Variants in FILIP1L observed in about 807,000 individuals in gnomAD.
The protein encoded by FILIP1L is filamin A interacting protein 1 like.
Under a neutral mutation model 96.6 loss-of-function variants are expected in FILIP1L, and 55 were observed. That is an observed-to-expected ratio of 0.57 (90% confidence interval 0.46 to 0.71). The LOEUF (loss-of-function observed/expected upper bound fraction) is 0.71. Among genes scored for constraint, FILIP1L ranks in the 30% least tolerant of loss-of-function variants. The pLI, the probability that FILIP1L is intolerant of heterozygous loss-of-function variation, is 0.00. For missense variants in FILIP1L, 1,304 were observed against 1,321.2 expected (o/e 0.99, Z 0.20); for synonymous variants, 467 against 473.9 (o/e 0.99, Z 0.19).
intron 1 of FILIP1L, among the ~76,000 whole-genome samples, chr3:99,991,125 A>G (rs1709499295): frequency 6.6e-6 from 1 of 152,170 alleles, no homozygotes; most frequent in Admixed American, 6.5e-5. Context: ...TCCCCCCATA[A>G]TGGAATATAA....
Position 100,016,235 on chromosome 3 carries a change from C to T in FILIP1L, c.-10-85205G>A, listed in dbSNP as rs147291808. ...GAGACGCAGTTTCACTCTTGTTGCC[C>T]AGGCTGGAGTGCAATGGTGCGATCT... On this transcript the variant is annotated intron_variant, in intron 1 of 5. Transcript: ENST00000477258. Among the ~76,000 whole-genome samples, 143 of 152,258 alleles carry T rather than the reference C, an allele frequency of 9.4e-4. 1 individual carries two copies. Among genetic ancestry groups the T allele is most frequent in the East Asian group, 6.7e-3 (35 of 5,186 alleles).
intron 1 of FILIP1L, among the ~76,000 whole-genome samples, chr3:99,980,113 G>C (rs565326642): frequency 2.0e-5 from 3 of 152,136 alleles, no homozygotes; most frequent in Non-Finnish European, 2.9e-5. Context: ...AATTCAGGCA[G>C]TACAGTACGG....
intron 1 of FILIP1L, among the ~76,000 whole-genome samples, chr3:100,109,792 G>T (rs145908739): frequency 6.6e-6 from 1 of 152,074 alleles, no homozygotes; most frequent in African/African-American, 2.4e-5. Flanking sequence ...ACATTCTAAG[G>T]TTAATGATAT....
chr3:100,049,180 G>T (rs915369088), intron 1 of FILIP1L, among the ~76,000 whole-genome samples: 1 of 152,042 alleles, frequency 6.6e-6, no homozygotes, highest in Admixed American at 6.6e-5. Context: ...TTATACCTTT[G>T]GGAACACATA....
chr3:100,039,344 T>C (rs2065162569), intron 1 of FILIP1L, among the ~76,000 whole-genome samples: 1 of 152,230 alleles, frequency 6.6e-6, no homozygotes, highest in African/African-American at 2.4e-5. Context: ...ACTCACCTGC[T>C]ACAGGAATAT....
chr3:100,093,963 C>T (rs183708800), intron 1 of FILIP1L, among the ~76,000 whole-genome samples: 2 of 152,174 alleles, frequency 1.3e-5, no homozygotes, highest in East Asian at 3.9e-4. Context: ...TTTTCATTTC[C>T]CTGGGATGAA....
chr3:99,965,073 A>G (rs1397439461), intron 1 of FILIP1L, among the ~76,000 whole-genome samples: 1 of 152,226 alleles, frequency 6.6e-6, no homozygotes, highest in Non-Finnish European at 1.5e-5. Context: ...GGAAATTTAC[A>G]AGTGTTATTT....
rs534220033 is a variant in FILIP1L, at chr3:100,014,048, C to T, written c.-10-83018G>A. On this transcript the variant is annotated intron_variant, in intron 1 of 5. Transcript: ENST00000477258. ...CTATGAATTTGATTTTTTAAGATTC[C>T]GCATGTAAGTGAGATCATACAATGT... Among the ~76,000 whole-genome samples the T allele has an allele frequency of 1.1e-3, 163 of 151,920 alleles. 1 individual carries two copies. The highest frequency in any genetic ancestry group is 7.7e-3 in the Admixed American group (117 of 15,240).
chr3:99,979,013 A>AGT (rs535689092), intron 1 of FILIP1L, among the ~76,000 whole-genome samples: 304 of 152,330 alleles, frequency 2.0e-3, no homozygotes, highest in African/African-American at 6.9e-3. Context: ...AATAAGTTCT[A>AGT]GTGTCTGTGG....
chr3:99,933,568 T>C (rs1050358717), intron 1 of FILIP1L, among the ~76,000 whole-genome samples: 10 of 152,220 alleles, frequency 6.6e-5, no homozygotes, highest in African/African-American at 2.4e-4. Context: ...TTTCTAATTA[T>C]CTTTCCCCAC....
chr3:100,088,009 G>C (rs1448528450), intron 1 of FILIP1L, among the ~76,000 whole-genome samples: 1 of 151,722 alleles, frequency 6.6e-6, no homozygotes, highest in Non-Finnish European at 1.5e-5. Flanking sequence ...TTTTATATTT[G>C]TAGTAGAGAT....
intron 4 of FILIP1L, among the ~76,000 whole-genome samples, chr3:99,878,620 C>G (rs1705619065): frequency 6.6e-6 from 1 of 152,192 alleles, no homozygotes; most frequent in Admixed American, 6.5e-5. Context: ...CTGGGAAAGC[C>G]AAGACTCATC....
At chr3:99,969,023 G>C (rs1378392055) in intron 1 of FILIP1L, among the ~76,000 whole-genome samples, 1 of 152,136 alleles carries the variant, frequency 6.6e-6, no homozygotes, top group Non-Finnish European at 1.5e-5. Flanking sequence ...TTAGAGGAAA[G>C]AGTAAATAGG....
intron 1 of FILIP1L, among the ~76,000 whole-genome samples, chr3:99,975,188 G>A (rs1407336201): frequency 1.3e-5 from 2 of 152,188 alleles, no homozygotes; most frequent in Non-Finnish European, 1.5e-5. Context: ...TTCCTCAGGT[G>A]AAAGGAATTT....
chr3:99,908,192 A>G (rs1283429434), intron 4 of FILIP1L, among the ~76,000 whole-genome samples: 1 of 152,208 alleles, frequency 6.6e-6, no homozygotes, highest in Non-Finnish European at 1.5e-5. Flanking sequence ...ATATGTCAGT[A>G]CAAATTGCTG....
At chr3:100,024,150 G>A (rs911770698) in intron 1 of FILIP1L, among the ~76,000 whole-genome samples, 1 of 152,042 alleles carries the variant, frequency 6.6e-6, no homozygotes, top group Non-Finnish European at 1.5e-5. Flanking sequence ...TGTCATGGTC[G>A]CCTATTTCAT....
intron 4 of FILIP1L, among the ~76,000 whole-genome samples, chr3:99,910,068 A>G (rs1706745179): frequency 7.4e-6 from 1 of 135,702 alleles, no homozygotes. Context: ...GCTCACCCTC[A>G]TTGCACTTTC....
At chr3:99,942,030 C>T (rs566409504) in intron 1 of FILIP1L, among the ~76,000 whole-genome samples, 1 of 152,168 alleles carries the variant, frequency 6.6e-6, no homozygotes, top group Admixed American at 6.5e-5. Flanking sequence ...TCCTGGCTAA[C>T]ACGGTGAAAC....
chr3:99,919,450 A>G (rs1490941074), intron 4 of FILIP1L, among the ~76,000 whole-genome samples: 1 of 149,708 alleles, frequency 6.7e-6, no homozygotes, highest in East Asian at 1.9e-4. Flanking sequence ...GTAGACATAT[A>G]TATTTAATCA....
Sources: allele counts gnomAD v4.1 joint callset (sites outside exome capture counted in the v4.1 genomes callset), GRCh38; gene constraint gnomAD v4.1.1; transcripts MANE v1.5; gene names NCBI Gene and HGNC (gene_info 2026-07-23, HGNC 2026-07-21).